Variants in DNM3 observed in about 807,000 individuals in gnomAD.
DNM3 encodes dynamin 3, also known as dynamin-3.
A neutral mutation model predicts 101.6 loss-of-function variants in DNM3; 47 were observed. The observed-to-expected ratio is 0.46, with a 90% CI of 0.37 to 0.59. The LOEUF (loss-of-function observed/expected upper bound fraction) is 0.59. Ranked by LOEUF, DNM3 falls within the 20% of genes least tolerant of loss-of-function variation. DNM3 has a pLI of 0.00. For synonymous variants in DNM3, 385 were observed against 387.9 expected, an observed-to-expected ratio of 0.99 and a Z score of 0.09; for missense variants, 849 against 1,085.7, an observed-to-expected ratio of 0.78 and a Z score of 3.06.
At chr1:171,848,947 G>T (rs1414425248) in intron 1 of DNM3, among the ~76,000 whole-genome samples, 2 of 152,034 alleles carry the variant, frequency 1.3e-5, no homozygotes, top group African/African-American at 2.4e-5. Flanking sequence ...TATTTCCAAG[G>T]GTTTAAAATG....
At chr1:172,085,272 A>G (rs531598351) in intron 12 of DNM3, among the ~76,000 whole-genome samples, 5 of 152,144 alleles carry the variant, frequency 3.3e-5, no homozygotes, top group African/African-American at 1.2e-4. Context: ...CCTAAATTAC[A>G]TATATTTTTA....
chr1:172,063,100 T>TG (rs1244647441), intron 10 of DNM3, among the ~76,000 whole-genome samples: 1 of 152,230 alleles, frequency 6.6e-6, no homozygotes, highest in Non-Finnish European at 1.5e-5. Context: ...AAAGCCCTTA[T>TG]CTTTAGGTCA....
intron 15 of DNM3, among the ~76,000 whole-genome samples, chr1:172,296,722 C>G (rs946253259): frequency 3.9e-5 from 6 of 152,170 alleles, no homozygotes; most frequent in Non-Finnish European, 5.9e-5. Flanking sequence ...AAATTCATTT[C>G]TATGTATTTT....
At chr1:172,217,365 T>A (rs1318321854) in intron 14 of DNM3, among the ~76,000 whole-genome samples, 1 of 152,152 alleles carries the variant, frequency 6.6e-6, no homozygotes, top group East Asian at 1.9e-4. Flanking sequence ...AGCCATGTAT[T>A]GGTATGGCTG....
chr1:171,849,420 C>T (rs771771377), intron 1 of DNM3, among the ~76,000 whole-genome samples: 3 of 152,184 alleles, frequency 2.0e-5, no homozygotes, highest in Non-Finnish European at 4.4e-5. Flanking sequence ...AGTATGCATT[C>T]AATAACTGAT....
At chr1:172,144,959 A>T (rs2057798823) in intron 14 of DNM3, among the ~76,000 whole-genome samples, 1 of 152,116 alleles carries the variant, frequency 6.6e-6, no homozygotes, top group African/African-American at 2.4e-5. Flanking sequence ...CTGTGCATAA[A>T]ATGGTACCAG....
chr1:172,093,705 C>T, intron 13 of DNM3: 1 of 1,606,294 alleles, frequency 6.2e-7, no homozygotes, highest in Non-Finnish European at 8.5e-7. Flanking sequence ...GGGAACCAAT[C>T]TTCCGCCTTC....
intron 1 of DNM3, among the ~76,000 whole-genome samples, chr1:171,868,317 G>A (rs1262034622): frequency 6.6e-6 from 1 of 151,920 alleles, no homozygotes; most frequent in African/African-American, 2.4e-5. Flanking sequence ...GTGACAAGAG[G>A]TGTCCTGCAC....
rs561764962 is a variant in DNM3 at position 172,072,100 on chromosome 1, A to G, written c.1422+3195A>G. 7.9e-5 allele frequency among the ~76,000 whole-genome samples: 12 copies of G among 152,324 alleles called. No individual in the cohort carries two copies. The South Asian group carries it at 2.5e-3, about 32-fold the overall frequency. ...TTTGGCAATGTTGAGAATTATGTAGATATTTTGCTCCTTATAGTGGCAACA... is the reference window on the plus strand; with the variant it reads ...TTTGGCAATGTTGAGAATTATGTAGGTATTTTGCTCCTTATAGTGGCAACA... On this transcript the variant is annotated intron_variant, in intron 11 of 20. Coordinates refer to ENST00000627582, the MANE Select transcript of DNM3 (RefSeq NM_015569.5).
At chr1:171,970,631 T>C (rs2043924137) in intron 2 of DNM3, among the ~76,000 whole-genome samples, 1 of 152,116 alleles carries the variant, frequency 6.6e-6, no homozygotes, top group Non-Finnish European at 1.5e-5. Context: ...GCAATGCAGT[T>C]CCATCTTATG....
At chr1:172,123,825 T>C (rs1193995688) in intron 13 of DNM3, among the ~76,000 whole-genome samples, 1 of 152,160 alleles carries the variant, frequency 6.6e-6, no homozygotes, top group African/African-American at 2.4e-5. Flanking sequence ...GTTTAATCCT[T>C]ATTCTGGTGG....
intron 10 of DNM3, among the ~76,000 whole-genome samples, chr1:172,062,062 G>C (rs1017219182): frequency 1.7e-4 from 26 of 152,232 alleles, no homozygotes; most frequent in Admixed American, 1.5e-3. Flanking sequence ...GTTTTAATGG[G>C]ATAGAATCTC....
downstream of DNM3, among the ~76,000 whole-genome samples, chr1:172,414,720 C>T (rs2071364987): frequency 6.7e-6 from 1 of 148,852 alleles, no homozygotes; most frequent in Non-Finnish European, 1.5e-5. Context: ...GAGTTTGAGA[C>T]CAGATTGGCA....
At chr1:172,150,942 C>T (rs1306861675) in intron 14 of DNM3, among the ~76,000 whole-genome samples, 1 of 152,182 alleles carries the variant, frequency 6.6e-6, no homozygotes, top group African/African-American at 2.4e-5. Context: ...GCCATCATAA[C>T]CTTTCTCACC....
chr1:172,175,894 T>A (rs2059138802), intron 14 of DNM3, among the ~76,000 whole-genome samples: 1 of 151,750 alleles, frequency 6.6e-6, no homozygotes, highest in Non-Finnish European at 1.5e-5. Context: ...AGAAGGTAGA[T>A]TTTGTGGTAG....
chr1:172,058,136 A>G (rs1375224131), intron 10 of DNM3, among the ~76,000 whole-genome samples: 4 of 138,478 alleles, frequency 2.9e-5, no homozygotes, highest in African/African-American at 1.1e-4. Flanking sequence ...ACTCAACAAG[A>G]AGAGCTAACT....
At chr1:171,983,480 A>T (rs1443578865) in intron 2 of DNM3, among the ~76,000 whole-genome samples, 1 of 151,956 alleles carries the variant, frequency 6.6e-6, no homozygotes, top group South Asian at 2.1e-4. Flanking sequence ...ACATGTTGGC[A>T]GGGTTTGATG....
At chr1:172,245,872 C>A (rs984987673) in intron 14 of DNM3, among the ~76,000 whole-genome samples, 4 of 152,130 alleles carry the variant, frequency 2.6e-5, no homozygotes, top group African/African-American at 9.7e-5. Context: ...CATTCTCACA[C>A]TGCTATAAAG....
At chr1:172,365,795 C>T (rs770185207) in intron 17 of DNM3, among the ~76,000 whole-genome samples, 2 of 151,726 alleles carry the variant, frequency 1.3e-5, no homozygotes, top group East Asian at 1.9e-4. Context: ...TGTAGATGAG[C>T]GCAAAGAGAT....
Sources: allele counts gnomAD v4.1 joint callset (sites outside exome capture counted in the v4.1 genomes callset), GRCh38; gene constraint gnomAD v4.1.1; transcripts MANE v1.5; gene names NCBI Gene and HGNC (gene_info 2026-07-23, HGNC 2026-07-21).